KLC4: variants seen among roughly 807,000 people sequenced by gnomAD.
The protein encoded by KLC4 is kinesin light chain 4, also known as kinesin-like protein 8.
Under a neutral mutation model 77.2 loss-of-function variants are expected in KLC4, and 49 were observed. The observed-to-expected ratio is 0.63, with a 90% CI of 0.50 to 0.80. The LOEUF (loss-of-function observed/expected upper bound fraction) is 0.80, where lower values mean the gene tolerates loss of function less well. Among genes scored for constraint, KLC4 ranks in the 30% least tolerant of loss-of-function variants. The pLI is 0.00. For missense variants in KLC4, 669 were observed against 793.5 expected (o/e 0.84, Z 1.89); for synonymous variants, 274 against 314.5 (o/e 0.87, Z 1.36).
At position 43,061,442 on chromosome 6, in the gene KLC4, T is replaced by G; in HGVS notation, c.107T>G (p.Leu36Arg). The G allele has an allele frequency of 1.2e-6, 2 of 1,614,204 alleles. No individual in the cohort carries two copies. ...TRLVSQGLEA[L>R]RSEHQAVLQS... Reference sequence around the variant, plus strand: ...CTGGTCAGCCAAGGGCTAGAGGCCCTACGCAGTGAACACCAGGCCGTGCTG... The same window carrying G: ...CTGGTCAGCCAAGGGCTAGAGGCCCGACGCAGTGAACACCAGGCCGTGCTG... Residue 36 changes from leucine (L) to arginine (R), a missense_variant, in exon 2 of 16, where the codon CTA becomes CGA. Transcript: ENST00000347162.
In KLC4 at chr6:43,073,225, T is replaced by A. The variant is rs761741481; in HGVS notation, c.1632T>A (p.Asp544Glu). Residue 544 changes from aspartate to glutamate, a missense_variant and splice_region_variant, in exon 14 of 16, where the codon GAT (aspartate) becomes GAA (glutamate). Physicochemically the swap from Asp to Glu is conservative, Grantham distance 45. Transcript: ENST00000347162. Reference protein sequence around the residue: ...DASVAVEWSGDGSGTLQRSGS... With the variant: ...DASVAVEWSGEGSGTLQRSGS... Reference sequence around the variant, plus strand: ...CATTGCTCACTCCTTTCTGCCAGGATGGCAGTGGGACCCTGCAGAGGAGTG... The same window carrying A: ...CATTGCTCACTCCTTTCTGCCAGGAAGGCAGTGGGACCCTGCAGAGGAGTG... 1 of 1,612,376 alleles carries A rather than the reference T, an allele frequency of 6.2e-7. No individual in the cohort carries two copies. The highest frequency in any genetic ancestry group is 8.5e-7 in the Non-Finnish European group (1 of 1,178,498).
intron 6 of KLC4, among the ~76,000 whole-genome samples, chr6:43,067,904 AGAT>A (rs1363569737): frequency 8.3e-6 from 1 of 120,594 alleles, no homozygotes; most frequent in Non-Finnish European, 1.6e-5. Context: ...CGAGGTCAGG[AGAT>A]CGAGACCATC....
chr6:43,061,623 C>T lies in KLC4; in HGVS notation c.258+30C>T, dbSNP rs771981719. ...GAGGGCAAAGGTGGTGCCAAGTGGT[C>T]CAGGGTGGATGGAGGAGCAGTTATC... is the stretch of plus-strand genomic sequence containing the variant. On this transcript the variant is annotated intron_variant, in intron 2 of 15. Transcript: ENST00000347162. 3.8e-6 allele frequency: 6 copies of T among 1,588,920 alleles called. No homozygotes were observed. In the African/African-American group the frequency reaches 6.7e-5, roughly 18 times the overall value.
intron 3 of KLC4, 44 bp from the exon 4 acceptor site, chr6:43,065,576 G>A (rs372369573): frequency 7.4e-7 from 1 of 1,351,522 alleles, no homozygotes; most frequent in East Asian, 2.3e-5. Context: ...AAGGCTACTA[G>A]GTAGGGATAT....
chr6:43,067,101 T>TGCCCCCC lies in KLC4; in HGVS notation c.879+18_879+19insGCCCCCC. 1 of 1,584,698 alleles carries TGCCCCCC rather than the reference T, an allele frequency of 6.3e-7. No individual in the cohort carries two copies. Among genetic ancestry groups the TGCCCCCC allele is most frequent in the Non-Finnish European group, 8.7e-7 (1 of 1,155,616 alleles). ...ATCCTGCTGTCAGTATTCCTTGCCCTCCCCACCCCACGCCCCGCACCCCCC... is the reference window on the plus strand; with the variant it reads ...ATCCTGCTGTCAGTATTCCTTGCCCTGCCCCCCCCCCACCCCACGCCCCGCACCCCCC... On this transcript the variant is annotated intron_variant, in intron 6 of 15. Transcript: ENST00000347162.
At chr6:43,065,748 CT>C (rs1317219161) in intron 4 of KLC4, 47 bp downstream of exon 4, 1 of 1,363,814 alleles carries the variant, frequency 7.3e-7, no homozygotes, top group East Asian at 2.3e-5. Context: ...CAGCAGGAGG[CT>C]GGCCCTAGCT....
intron 3 of KLC4, among the ~76,000 whole-genome samples, chr6:43,065,065 CTT>C (rs908857706): frequency 6.7e-6 from 1 of 149,684 alleles, no homozygotes; most frequent in Admixed American, 6.7e-5. Flanking sequence ...AGAAAGGAAA[CTT>C]TTTTTTTTCT....
Position 43,059,692 on chromosome 6 carries a change from C to T in KLC4, c.-26+7C>T. On this transcript the variant is annotated splice_region_variant and intron_variant, in intron 1 of 15. Coordinates refer to ENST00000347162, the MANE Select transcript of KLC4 (RefSeq NM_201521.3). Reference sequence around the variant, plus strand: ...CCACACCGGCAGATTGCAGGTGAGTCTTTGAGGGTATCCTGGGGCTGAAGG... The same window carrying T: ...CCACACCGGCAGATTGCAGGTGAGTTTTTGAGGGTATCCTGGGGCTGAAGG... The T allele has an allele frequency of 6.8e-6, 9 of 1,319,224 alleles. No homozygotes were observed. Among genetic ancestry groups the T allele is most frequent in the Non-Finnish European group, 8.7e-6 (9 of 1,036,048 alleles). 81.7% of individuals were successfully genotyped at this position (1,319,224 alleles called of 1,614,324 possible).
chr6:43,067,183 C>CT, intron 6 of KLC4, 100 bp downstream of exon 6: 1 of 1,509,858 alleles, frequency 6.6e-7, no homozygotes. Context: ...AGTCCACTCA[C>CT]TAAGGGTGCT....
rs776608092 is a variant in KLC4, at chr6:43,074,828, T to C, written c.*156T>C. The C allele has an allele frequency of 4.5e-6, 3 of 660,216 alleles. No individual in the cohort carries two copies. The highest frequency in any genetic ancestry group is 1.8e-5 in the African/African-American group (1 of 56,046). 40.9% of individuals were successfully genotyped at this position (660,216 alleles called of 1,614,324 possible). A position where few individuals can be genotyped will look rare whatever the true frequency, so the allele number is the denominator to read the frequency against. On this transcript the variant is annotated 3_prime_UTR_variant, in exon 16 of 16. Transcript: ENST00000347162. ...TGCTGCCCTTAGGGTCTCAGCTCCC[T>C]CCTCAGGAATCCCTCTTAGGAAGGA...
rs755867373 is a variant in KLC4 at position 43,066,534 on chromosome 6, T to C, written c.791+9T>C. The stretch of plus-strand genomic sequence containing the variant: ...CTTGCTTTGGTGTATCGGTGAGGAC[T>C]TCCCTCCTCCAGTGCCCAGATCTTC... On this transcript the variant is annotated intron_variant, in intron 5 of 15. Transcript: ENST00000347162. 1.2e-6 allele frequency: 2 copies of C among 1,605,172 alleles called. No individual in the cohort carries two copies. Among genetic ancestry groups the C allele is most frequent in the Admixed American group, 3.3e-5 (2 of 59,906 alleles).
At chr6:43,066,727 T>C (rs1457834230) in intron 5 of KLC4, among the ~76,000 whole-genome samples, 1 of 152,164 alleles carries the variant, frequency 6.6e-6, no homozygotes, top group African/African-American at 2.4e-5. Context: ...GGGATCCTTG[T>C]TCCTCTAATC....
Position 43,071,862 on chromosome 6 carries a change from A to G in KLC4, c.1319A>G (p.His440Arg). ...EREEMSKSRH[H>R]EGGTPYAEYG... Reference sequence around the variant, plus strand: ...CTCTCTGTCCTGCAGAGCCGGCACCATGAGGGTGGGACACCCTATGCTGAG... The same window carrying G: ...CTCTCTGTCCTGCAGAGCCGGCACCGTGAGGGTGGGACACCCTATGCTGAG... The change falls in exon 11 of 16, where the codon CAT becomes CGT. Residue 440 changes from histidine to arginine, a missense_variant. Coordinates refer to ENST00000347162, the MANE Select transcript of KLC4 (RefSeq NM_201521.3). The G allele has an allele frequency of 6.2e-7, 1 of 1,612,334 alleles. No individual in the cohort carries two copies.
At chr6:43,067,376 A>G (rs542542695) in intron 6 of KLC4, 64 of 472,740 alleles carry the variant, frequency 1.4e-4, no homozygotes, top group African/African-American at 9.7e-4. Flanking sequence ...ACTCTAATAA[A>G]TATAAAAGAA....
chr6:43,067,591 G>A (rs113355010), intron 6 of KLC4, among the ~76,000 whole-genome samples: 5 of 151,620 alleles, frequency 3.3e-5, no homozygotes, highest in Admixed American at 6.6e-5. Flanking sequence ...TCAGGAGATC[G>A]AGACCATCCT....
At chr6:43,060,486 G>T (rs994437298) in intron 1 of KLC4, 35 of 1,358,760 alleles carry the variant, frequency 2.6e-5, no homozygotes, top group Non-Finnish European at 3.1e-5. Flanking sequence ...GAAAGAAGGG[G>T]TGGGAACGCT....
rs1765853233 is a variant in KLC4, at chr6:43,073,965, G to A, written c.1809G>A (p.Gln603=). 1 of 1,607,242 alleles carries A rather than the reference G, an allele frequency of 6.2e-7. No homozygotes were observed. The highest frequency in any genetic ancestry group is 8.5e-7 in the Non-Finnish European group (1 of 1,176,510). The change falls in exon 15 of 16, where the codon CAG becomes CAA. Residue 603 remains glutamine, a splice_region_variant and synonymous_variant. Transcript: ENST00000347162. ...YLNQPSAAPL[Q]VSRGLSASTM... The stretch of plus-strand genomic sequence containing the variant: ...ACCAACCTAGTGCAGCACCCCTCCA[G>A]GTGAGAGCAGTGCTTGTGAGCATAT...
intron 11 of KLC4, 100 bp downstream of exon 11, chr6:43,072,022 C>T (rs1204226174): frequency 2.1e-6 from 3 of 1,414,196 alleles, no homozygotes; most frequent in South Asian, 2.4e-5. Flanking sequence ...TAGACTTTCC[C>T]TCAGCTTTAG....
At position 43,067,160 on chromosome 6, in the gene KLC4, A is replaced by G. The variant is rs767006609; in HGVS notation, c.879+77A>G. 1.3e-4 allele frequency: 202 copies of G among 1,528,882 alleles called. 2 individuals carry two copies. In the South Asian group the frequency reaches 1.9e-3, roughly 14 times the overall value. 94.7% of individuals were successfully genotyped at this position (1,528,882 alleles called of 1,614,324 possible). On this transcript the variant is annotated intron_variant, in intron 6 of 15. Transcript: ENST00000347162. ...TGTTTTGGCCTCTCTTAGCTCATCC[A>G]TCTGCTGCCCTCAGTCCACTCACTA...
Sources: gnomAD v4.1 joint callset for allele counts (sites outside exome capture counted in the v4.1 genomes callset) on GRCh38, gnomAD v4.1.1 for gene constraint, MANE v1.5 for transcripts, NCBI Gene and HGNC (gene_info 2026-07-23, HGNC 2026-07-21) for gene names.